TTC28: variants seen among roughly 807,000 people sequenced by gnomAD.
TTC28 encodes the protein tetratricopeptide repeat domain 28, also known as tetratricopeptide repeat protein 28.
TTC28 carries 61 observed loss-of-function variants against 198.0 expected under a neutral mutation model. The observed-to-expected ratio is 0.31, with a 90% CI of 0.25 to 0.38. TTC28 has a LOEUF of 0.38. Among genes scored for constraint, TTC28 ranks in the 10% least tolerant of loss-of-function variants. The pLI is 1.00. For synonymous variants in TTC28, 1,171 were observed against 1,297.8 expected (o/e 0.90, Z 2.10); for missense variants, 2,678 against 3,164.0 (o/e 0.85, Z 3.69).
intron 2 of TTC28, among the ~76,000 whole-genome samples, chr22:28,334,538 C>G (rs556092198): frequency 4.6e-5 from 7 of 152,090 alleles, no homozygotes; most frequent in East Asian, 1.9e-4. Flanking sequence ...TTTAATGATA[C>G]CCATTCTAAC....
intron 2 of TTC28, among the ~76,000 whole-genome samples, chr22:28,611,102 G>T (rs1232760351): frequency 6.6e-6 from 1 of 152,176 alleles, no homozygotes; most frequent in Non-Finnish European, 1.5e-5. Context: ...TTTGATTGTT[G>T]TACCTGAAAG....
At chr22:28,401,380 C>G (rs908697419) in intron 2 of TTC28, among the ~76,000 whole-genome samples, 8 of 152,114 alleles carry the variant, frequency 5.3e-5, no homozygotes, top group Non-Finnish European at 1.0e-4. Flanking sequence ...CTTTGGGAGA[C>G]CGACGTGGGC....
intron 14 of TTC28, among the ~76,000 whole-genome samples, chr22:28,009,263 C>T (rs940158065): frequency 6.6e-6 from 1 of 152,218 alleles, no homozygotes; most frequent in African/African-American, 2.4e-5. Flanking sequence ...AAATATTATT[C>T]TGTTCCACTT....
Position 28,107,811 on chromosome 22 carries a change from G to A in TTC28, c.2034C>T (p.Cys678=), listed in dbSNP as rs773037701. The A allele has an allele frequency of 3.9e-6, 6 of 1,552,024 alleles. No homozygotes were observed. In the East Asian group the frequency reaches 1.5e-4, roughly 38 times the overall value. ...GAGCCTTGAATGCTAGGCCCAAGTT[G>A]CAGTAGGCTTTTGCTTGGCTCAACT... ...HDKLSQAKAY[C]NLGLAFKALL... Residue 678 remains cysteine, a synonymous_variant, in exon 7 of 23, where the codon TGC becomes TGT. Transcript: ENST00000397906.
chr22:28,061,675 G>T (rs1020020413), intron 12 of TTC28, among the ~76,000 whole-genome samples: 9 of 152,102 alleles, frequency 5.9e-5, no homozygotes, highest in African/African-American at 1.7e-4. Context: ...TTGTTCTTTT[G>T]GCTTAGGATT....
chr22:28,567,753 G>A (rs2050003197), intron 2 of TTC28, among the ~76,000 whole-genome samples: 1 of 151,670 alleles, frequency 6.6e-6, no homozygotes, highest in South Asian at 2.1e-4. Flanking sequence ...AATAAAGAAT[G>A]AAGAAGATAT....
intron 12 of TTC28, among the ~76,000 whole-genome samples, chr22:28,092,218 A>G (rs1420917979): frequency 6.6e-6 from 1 of 152,210 alleles, no homozygotes; most frequent in Non-Finnish European, 1.5e-5. Flanking sequence ...CGCTTCCAAG[A>G]GGCAAACCCT....
At chr22:28,309,652 C>T (rs540074168) in intron 2 of TTC28, among the ~76,000 whole-genome samples, 1 of 152,258 alleles carries the variant, frequency 6.6e-6, no homozygotes, top group Non-Finnish European at 1.5e-5. Flanking sequence ...CTTATATATA[C>T]GGACGCAGTA....
At position 28,227,632 on chromosome 22, in the gene TTC28, T is replaced by C. The variant is rs146908799; in HGVS notation, c.934-64033A>G. 2.0e-5 allele frequency among the ~76,000 whole-genome samples: 3 copies of C among 152,018 alleles called. No homozygotes were observed. In the East Asian group the frequency reaches 5.8e-4, roughly 29 times the overall value. ...TTAAGTATCTATTTAATATCACTAG[T>C]CATTAGGAAAATGCAAATCAAAACC... On this transcript the variant is annotated intron_variant, in intron 5 of 22. Transcript: ENST00000397906.
At chr22:28,455,631 T>C (rs2047847758) in intron 2 of TTC28, among the ~76,000 whole-genome samples, 1 of 151,914 alleles carries the variant, frequency 6.6e-6, no homozygotes, top group African/African-American at 2.4e-5. Context: ...GGAGAATCAC[T>C]TGAACCCAGG....
intron 2 of TTC28, among the ~76,000 whole-genome samples, chr22:28,536,050 T>A (rs1022696299): frequency 6.7e-6 from 1 of 150,288 alleles, no homozygotes; most frequent in African/African-American, 2.4e-5. Context: ...TACAAAAAAT[T>A]AGCTTGGCTT....
chr22:28,221,062 T>A (rs1165694746), intron 5 of TTC28, among the ~76,000 whole-genome samples: 1 of 152,110 alleles, frequency 6.6e-6, no homozygotes, highest in Admixed American at 6.5e-5. Context: ...TAACAGGGAC[T>A]CACAACGAGC....
At position 28,131,872 on chromosome 22, in the gene TTC28, C is replaced by A. The variant is rs564027872; in HGVS notation, c.1442-23469G>T. On this transcript the variant is annotated intron_variant, in intron 6 of 22. Coordinates refer to ENST00000397906, the MANE Select transcript of TTC28 (RefSeq NM_001145418.2). ...ATAATTTTTATTATTAATATATAGCCTGAATATTCAATTGTTTTAATGATT... is the reference window on the plus strand; with the variant it reads ...ATAATTTTTATTATTAATATATAGCATGAATATTCAATTGTTTTAATGATT... 2.6e-5 allele frequency among the ~76,000 whole-genome samples: 4 copies of A among 152,212 alleles called. No individual in the cohort carries two copies. The South Asian group carries it at 8.3e-4, about 32-fold the overall frequency.
chr22:28,016,574 TGAG>T (rs1421639447), intron 13 of TTC28, among the ~76,000 whole-genome samples: 1 of 152,162 alleles, frequency 6.6e-6, no homozygotes, highest in Non-Finnish European at 1.5e-5. Flanking sequence ...ACCCCCAACT[TGAG>T]GTGCCTCAGT....
intron 6 of TTC28, among the ~76,000 whole-genome samples, chr22:28,157,055 A>G (rs1943765446): frequency 6.6e-6 from 1 of 152,212 alleles, no homozygotes; most frequent in Admixed American, 6.5e-5. Context: ...CTTTAGCCAT[A>G]CTAAGAAAAA....
chr22:27,982,515 C>T lies in TTC28; in HGVS notation c.7152G>A (p.Thr2384=), dbSNP rs867236761. 3.8e-5 allele frequency: 59 copies of T among 1,551,524 alleles called. No individual in the cohort carries two copies. Among genetic ancestry groups the T allele is most frequent in the South Asian group, 4.8e-5 (4 of 84,046 alleles). The stretch of plus-strand genomic sequence containing the variant: ...TGAGGACATCCCTTTTGGAAGTCAT[C>T]GTGCCAGGAGCCCCCCGGAAGATCT... The part of the protein sequence containing the change: ...PMKIFRGAPG[T]MTSKRDVLSL... Residue 2384 remains threonine (T), a synonymous_variant, in exon 23 of 23, where the codon ACG becomes ACA. Coordinates refer to ENST00000397906, the MANE Select transcript of TTC28 (RefSeq NM_001145418.2). This position sits in a 1 kb window ranked among gnomAD's most constrained non-coding sequence, Gnocchi z 5.2.
chr22:28,029,983 T>C (rs1939005897), intron 13 of TTC28, among the ~76,000 whole-genome samples: 1 of 152,202 alleles, frequency 6.6e-6, no homozygotes, highest in Admixed American at 6.5e-5. Context: ...GGGACTCCTA[T>C]CCCAGCCAAA....
At chr22:28,443,679 C>A (rs1231326674) in intron 2 of TTC28, among the ~76,000 whole-genome samples, 3 of 152,008 alleles carry the variant, frequency 2.0e-5, no homozygotes, top group South Asian at 4.1e-4. Flanking sequence ...CCCTTCAGTG[C>A]GAGCACAGCC....
At chr22:28,662,657 A>C (rs2051766936) in intron 1 of TTC28, among the ~76,000 whole-genome samples, 1 of 152,240 alleles carries the variant, frequency 6.6e-6, no homozygotes, top group Admixed American at 6.5e-5. Context: ...AATACTCTAT[A>C]ATTTATATGG....
Sources: gnomAD v4.1 joint callset for allele counts (sites outside exome capture counted in the v4.1 genomes callset) on GRCh38, gnomAD v4.1.1 for gene constraint, Gnocchi (gnomAD v3.1) non-coding constraint, MANE v1.5 for transcripts, NCBI Gene and HGNC (gene_info 2026-07-23, HGNC 2026-07-21) for gene names.